Variants in SPMAP2L observed in about 807,000 individuals in gnomAD.
The protein encoded by SPMAP2L is sperm microtubule associated protein 2-like.
chr4:56,594,361 C>G, the SPMAP2L span: 1 of 1,544,750 alleles, frequency 6.5e-7, no homozygotes, highest in Non-Finnish European at 9.0e-7. Context: ...CGTCTGAACT[C>G]GCACCTATCA....
At chr4:56,550,251 G>A in the SPMAP2L span, among the ~76,000 whole-genome samples, 2 of 152,076 alleles carry the variant, frequency 1.3e-5, no homozygotes, top group Admixed American at 6.6e-5. Context: ...GCCTCCTGAA[G>A]TGCTGGCATT....
chr4:56,577,734 C>A, the SPMAP2L span, among the ~76,000 whole-genome samples: 1 of 152,138 alleles, frequency 6.6e-6, no homozygotes, highest in Non-Finnish European at 1.5e-5. Context: ...TGCCAGCAGA[C>A]CTGCTTTACG....
the SPMAP2L span, among the ~76,000 whole-genome samples, chr4:56,588,428 C>A: frequency 6.6e-6 from 1 of 151,148 alleles, no homozygotes; most frequent in Non-Finnish European, 1.5e-5. Flanking sequence ...TGTCATCTTC[C>A]AGAATTTTTT....
At chr4:56,593,823 C>A in the SPMAP2L span, 5 of 1,609,802 alleles carry the variant, frequency 3.1e-6, no homozygotes, top group South Asian at 1.1e-5. Context: ...GCCCTCTTGG[C>A]GAATATGGCA....
chr4:56,587,083 A>G, the SPMAP2L span, among the ~76,000 whole-genome samples: 33 of 152,200 alleles, frequency 2.2e-4, no homozygotes, highest in Admixed American at 5.2e-4. Flanking sequence ...TGCAAGTTTT[A>G]TTATTTTATT....
chr4:56,570,111 T>C, the SPMAP2L span, among the ~76,000 whole-genome samples: 1 of 152,208 alleles, frequency 6.6e-6, no homozygotes, highest in Admixed American at 6.5e-5. Flanking sequence ...TTCCCCATTT[T>C]TGAGTCACTA....
chr4:56,538,494 T>G, the SPMAP2L span, among the ~76,000 whole-genome samples: 700 of 152,258 alleles, frequency 4.6e-3, 3 homozygotes, highest in African/African-American at 0.014. Context: ...CTCTAAAAAG[T>G]TTTCAGACTT....
chr4:56,537,207 AC>A, the SPMAP2L span, among the ~76,000 whole-genome samples: 1 of 151,862 alleles, frequency 6.6e-6, no homozygotes, highest in African/African-American at 2.4e-5. Context: ...CCTTTGCTGA[AC>A]CCTCTCTGAA....
At chr4:56,552,492 T>A in the SPMAP2L span, 2 of 879,498 alleles carry the variant, frequency 2.3e-6, no homozygotes, top group South Asian at 2.9e-5. Context: ...AGGAGTCATC[T>A]AATGTAACCA....
chr4:56,567,712 A>G, the SPMAP2L span, among the ~76,000 whole-genome samples: 3 of 152,016 alleles, frequency 2.0e-5, no homozygotes, highest in African/African-American at 7.2e-5. Context: ...CAGATGGACA[A>G]ATACTGCCTC....
At chr4:56,583,624 G>A in the SPMAP2L span, among the ~76,000 whole-genome samples, 1 of 152,152 alleles carries the variant, frequency 6.6e-6, no homozygotes, top group Non-Finnish European at 1.5e-5. Flanking sequence ...TATGTGGGGA[G>A]CAGCCTATGA....
At chr4:56,558,468 T>C in the SPMAP2L span, among the ~76,000 whole-genome samples, 2 of 152,240 alleles carry the variant, frequency 1.3e-5, no homozygotes, top group African/African-American at 4.8e-5. Context: ...AGTAAGTTTA[T>C]ATATTTACTT....
At chr4:56,620,859 C>T in the SPMAP2L span, among the ~76,000 whole-genome samples, 3 of 152,186 alleles carry the variant, frequency 2.0e-5, no homozygotes, top group Non-Finnish European at 4.4e-5. Flanking sequence ...CAATTGCTGC[C>T]TAGCATCTGA....
the SPMAP2L span, among the ~76,000 whole-genome samples, chr4:56,573,751 G>A: frequency 6.6e-6 from 1 of 152,242 alleles, no homozygotes; most frequent in East Asian, 1.9e-4. Context: ...CAGTGCAGTT[G>A]GGCAGTAGAG....
chr4:56,545,835 C>A, the SPMAP2L span, among the ~76,000 whole-genome samples: 1 of 152,268 alleles, frequency 6.6e-6, no homozygotes, highest in East Asian at 1.9e-4. Flanking sequence ...TCTTGTCCCC[C>A]AGGCTGGAGT....
At chr4:56,594,418 A>G in the SPMAP2L span, 2 of 1,597,246 alleles carry the variant, frequency 1.3e-6, no homozygotes. Flanking sequence ...CTCTGGACCA[A>G]GCTCAAGGAT....
At chr4:56,566,718 G>T in the SPMAP2L span, among the ~76,000 whole-genome samples, 1 of 33,998 alleles carries the variant, frequency 2.9e-5, no homozygotes. Context: ...TTTTTTTTTG[G>T]CAGAGTTTTG....
chr4:56,612,859 G>A, the SPMAP2L span, among the ~76,000 whole-genome samples: 6 of 152,206 alleles, frequency 3.9e-5, no homozygotes, highest in African/African-American at 1.2e-4. Flanking sequence ...GAGCCCCCAC[G>A]CCCGGCCTGC....
chr4:56,600,284 A>G, the SPMAP2L span, among the ~76,000 whole-genome samples: 2 of 151,544 alleles, frequency 1.3e-5, no homozygotes, highest in African/African-American at 4.8e-5. Flanking sequence ...ATGGGAAACA[A>G]TAGGATGGGT....
Sources: gnomAD v4.1 joint callset for allele counts (sites outside exome capture counted in the v4.1 genomes callset) on GRCh38, gnomAD v4.1.1 for gene constraint, MANE v1.5 for transcripts, NCBI Gene and HGNC (gene_info 2026-07-23, HGNC 2026-07-21) for gene names.